GSE1: variants seen among roughly 807,000 people sequenced by gnomAD.
The protein encoded by GSE1 is Gse1 coiled-coil protein, also known as genetic suppressor element 1.
In GSE1, 32 loss-of-function variants were observed where a neutral mutation model predicts 112.6. The ratio of observed to expected loss-of-function variants is 0.28; its 90% CI spans 0.21 to 0.38. The LOEUF (loss-of-function observed/expected upper bound fraction) is 0.38, where lower values mean the gene tolerates loss of function less well. Among genes scored for constraint, GSE1 ranks in the 10% least tolerant of loss-of-function variants. The probability of loss-of-function intolerance (pLI) is 1.00; values close to 1 mark genes in which losing one functional copy is unlikely to be tolerated. For missense variants in GSE1, 2,348 were observed against 1,699.2 expected (o/e 1.38, Z -6.71); for synonymous variants, 1,115 against 735.6 (o/e 1.52, Z -8.35).
intron 1 of GSE1, among the ~76,000 whole-genome samples, chr16:85,349,643 C>G (rs532362992): frequency 2.6e-5 from 4 of 152,304 alleles, no homozygotes; most frequent in African/African-American, 9.6e-5. Flanking sequence ...AAGGGACTGT[C>G]TTTCCCCCTA....
At chr16:85,271,669 G>A (rs1908848829) in intron 1 of GSE1, among the ~76,000 whole-genome samples, 1 of 152,186 alleles carries the variant, frequency 6.6e-6, no homozygotes, top group Non-Finnish European at 1.5e-5. Flanking sequence ...CTGGACATAG[G>A]CTCAGAGACA....
intron 2 of GSE1, among the ~76,000 whole-genome samples, chr16:85,413,637 G>A (rs1013597652): frequency 1.3e-5 from 2 of 152,188 alleles, no homozygotes; most frequent in Non-Finnish European, 2.9e-5. Context: ...CACTGGCCTA[G>A]CAGACTGTAC....
rs151278343 is a variant in GSE1 at position 85,550,278 on chromosome 16, C to G, written c.2465-83636C>G. 1.0e-3 allele frequency among the ~76,000 whole-genome samples: 155 copies of G among 152,252 alleles called. 1 individual carries two copies. Among genetic ancestry groups the G allele is most frequent in the African/African-American group, 3.6e-3 (148 of 41,524 alleles). Reference sequence around the variant, plus strand: ...TTGGGTTCCAACCCCAGCTCTGCCACCCACTGGCTGTGTGTCCTTGGGCAA... The same window carrying G: ...TTGGGTTCCAACCCCAGCTCTGCCAGCCACTGGCTGTGTGTCCTTGGGCAA... On this transcript the variant is annotated intron_variant, in intron 2 of 2. Transcript: ENST00000637419.
At chr16:85,544,843 G>C (rs1168135275) in intron 2 of GSE1, among the ~76,000 whole-genome samples, 1 of 152,266 alleles carries the variant, frequency 6.6e-6, no homozygotes, top group Admixed American at 6.5e-5. Flanking sequence ...GGAGAAGAAA[G>C]CCTTGTCGGT....
rs1276969522 is a variant in GSE1, at chr16:85,570,829, C to T, written c.37+14466C>T. On this transcript the variant is annotated intron_variant, in intron 1 of 2. Transcript: ENST00000635906. ...GGATTCTCTCGAAGACCCTGCCGGA[C>T]GCCGGAGGAGGCAGGAGCTCAGCCG... Among the ~76,000 whole-genome samples the T allele has an allele frequency of 5.9e-5, 9 of 152,152 alleles. No individual in the cohort carries two copies. In the East Asian group the frequency reaches 1.2e-3, roughly 20 times the overall value.
At chr16:85,671,623 G>A (rs1007098453) in intron 15 of GSE1, among the ~76,000 whole-genome samples, 2 of 152,120 alleles carry the variant, frequency 1.3e-5, no homozygotes, top group African/African-American at 4.8e-5. Context: ...TCCTGAAGGG[G>A]TAAATTCAGA....
At chr16:85,492,995 A>T (rs117164073) in intron 2 of GSE1, among the ~76,000 whole-genome samples, 2 of 152,296 alleles carry the variant, frequency 1.3e-5, no homozygotes, top group Non-Finnish European at 2.9e-5. Flanking sequence ...GGGAATGCGC[A>T]CTAAAAGAGC....
At chr16:85,459,182 T>C (rs61431121) in intron 2 of GSE1, among the ~76,000 whole-genome samples, 1 of 152,144 alleles carries the variant, frequency 6.6e-6, no homozygotes, top group African/African-American at 2.4e-5. Context: ...GGCAGGCAGA[T>C]TCTATCTAGA....
chr16:85,564,399 TG>T (rs978442257), intron 1 of GSE1, among the ~76,000 whole-genome samples: 1 of 152,068 alleles, frequency 6.6e-6, no homozygotes, highest in African/African-American at 2.4e-5. Flanking sequence ...TGGTGGTGTG[TG>T]GGGGGCATGG....
rs1398675388 is a variant in GSE1 at position 85,373,051 on chromosome 16, G to T, written c.2464+15408G>T. On this transcript the variant is annotated intron_variant, in intron 2 of 2. Coordinates refer to the GSE1 transcript ENST00000637419. This position sits in a 1 kb window ranked among gnomAD's most constrained non-coding sequence, Gnocchi z 5.1. ...CTGTGAGACATGCAGAAGTTCTCCAGAATCACCTGCACGGCTTTGACTGTG... is the reference window on the plus strand; with the variant it reads ...CTGTGAGACATGCAGAAGTTCTCCATAATCACCTGCACGGCTTTGACTGTG... Among the ~76,000 whole-genome samples the T allele has an allele frequency of 1.3e-5, 2 of 152,250 alleles. No individual in the cohort carries two copies. Among genetic ancestry groups the T allele is most frequent in the Non-Finnish European group, 2.9e-5 (2 of 68,046 alleles).
rs537097141 is a variant in GSE1 at position 85,258,388 on chromosome 16, G to A, written c.2283+86581G>A. ...CCTTCCTGAGCCACAGTGAAAGGAT[G>A]TTGAGACGAGGCCCACTGATTCCTT... On this transcript the variant is annotated intron_variant, in intron 1 of 2. Transcript: ENST00000637419. 1.4e-4 allele frequency among the ~76,000 whole-genome samples: 22 copies of A among 152,336 alleles called. No individual in the cohort carries two copies. In the East Asian group the frequency reaches 4.2e-3, roughly 29 times the overall value.
intron 2 of GSE1, among the ~76,000 whole-genome samples, chr16:85,484,185 A>G (rs1274779513): frequency 6.6e-6 from 1 of 152,158 alleles, no homozygotes; most frequent in African/African-American, 2.4e-5. Context: ...CAGTCTTCCA[A>G]CTGGGACGGT....
chr16:85,535,459 C>G (rs2044292813), intron 2 of GSE1, among the ~76,000 whole-genome samples: 1 of 152,240 alleles, frequency 6.6e-6, no homozygotes, highest in Non-Finnish European at 1.5e-5. Context: ...CAGACACCCT[C>G]AGCCTGTGTG....
At position 85,417,925 on chromosome 16, in the gene GSE1, C is replaced by T. The variant is rs541050602; in HGVS notation, c.2464+60282C>T. Among the ~76,000 whole-genome samples, 110 of 152,310 alleles carry T rather than the reference C, an allele frequency of 7.2e-4. No individual in the cohort carries two copies. In the Middle Eastern group the frequency reaches 0.01, roughly 14 times the overall value. ...CTCGATCTCGGCTCACTGCAACCTC[C>T]GCCTCCCGAGTTCAAGCGATTCTCT... is the stretch of plus-strand genomic sequence containing the variant. On this transcript the variant is annotated intron_variant, in intron 2 of 2. Transcript: ENST00000637419.
Position 85,672,695 on chromosome 16 carries a change from T to C in GSE1, c.*156T>C, listed in dbSNP as rs549056642. ...GATTCCAGGCTCCAGAAAAAATGAA[T>C]GAACTCACCTTGACGTCAATGCAAT... is the stretch of plus-strand genomic sequence containing the variant. On this transcript the variant is annotated 3_prime_UTR_variant, in exon 16 of 16. Coordinates refer to ENST00000253458, the MANE Select transcript of GSE1 (RefSeq NM_014615.5). 1,132 of 485,632 alleles carry C rather than the reference T, an allele frequency of 2.3e-3. 8 individuals are homozygous for C. Among genetic ancestry groups the C allele is most frequent in the African/African-American group, 0.02 (1,035 of 51,616 alleles). The allele number at this position is 485,632 out of a possible 1,614,324, so 30.1% of individuals were successfully genotyped here.
At chr16:85,430,684 G>A (rs1410194942) in intron 2 of GSE1, among the ~76,000 whole-genome samples, 1 of 152,236 alleles carries the variant, frequency 6.6e-6, no homozygotes, top group Non-Finnish European at 1.5e-5. Flanking sequence ...CCCAGGTACG[G>A]GCTGGGCACA....
chr16:85,359,276 C>G (rs887747345), intron 2 of GSE1: 7 of 407,700 alleles, frequency 1.7e-5, no homozygotes, highest in African/African-American at 1.4e-4. Flanking sequence ...CCTGGCGGCT[C>G]ACGGGTCAGT....
intron 1 of GSE1, among the ~76,000 whole-genome samples, chr16:85,351,357 C>T (rs60371643): frequency 6.6e-6 from 1 of 152,160 alleles, no homozygotes; most frequent in Admixed American, 6.5e-5. Flanking sequence ...TACAACATGA[C>T]AAACCTGAAA....
intron 2 of GSE1, among the ~76,000 whole-genome samples, chr16:85,381,245 G>C (rs963081158): frequency 6.6e-6 from 1 of 152,192 alleles, no homozygotes; most frequent in African/African-American, 2.4e-5. Flanking sequence ...ACTCAGCGTG[G>C]TGTCTTCCAG....
Sources: gnomAD v4.1 joint callset for allele counts (sites outside exome capture counted in the v4.1 genomes callset) on GRCh38, gnomAD v4.1.1 for gene constraint, Gnocchi (gnomAD v3.1) non-coding constraint, MANE v1.5 for transcripts, NCBI Gene and HGNC (gene_info 2026-07-23, HGNC 2026-07-21) for gene names.